Variants in NFAT5 observed in about 807,000 individuals in gnomAD.
NFAT5 encodes nuclear factor of activated T cells 5, also known as nuclear factor of activated T-cells 5.
Under a neutral mutation model 166.5 loss-of-function variants are expected in NFAT5, and 31 were observed. The ratio of observed to expected loss-of-function variants is 0.19; its 90% CI spans 0.14 to 0.25. The LOEUF (loss-of-function observed/expected upper bound fraction) is 0.25, where lower values mean the gene tolerates loss of function less well. Ranked by LOEUF, NFAT5 falls within the 10% of genes least tolerant of loss-of-function variation. The probability of loss-of-function intolerance (pLI) is 1.00; values close to 1 mark genes in which losing one functional copy is unlikely to be tolerated. For synonymous variants in NFAT5, 612 were observed against 639.7 expected (o/e 0.96, Z 0.65); for missense variants, 1,449 against 1,821.8 (o/e 0.80, Z 3.72).
At chr16:69,568,650 A>G in intron 2 of NFAT5, 102 bp downstream of exon 2, 1 of 881,036 alleles carries the variant, frequency 1.1e-6, no homozygotes, top group Non-Finnish European at 1.7e-6. Flanking sequence ...AACTCACACA[A>G]TGTAGTTTTC....
intron 2 of NFAT5, among the ~76,000 whole-genome samples, chr16:69,598,788 G>A (rs1480303860): frequency 6.6e-6 from 1 of 152,134 alleles, no homozygotes; most frequent in African/African-American, 2.4e-5. Context: ...ACTTTGGGAG[G>A]CTGAGGTGGG....
In NFAT5 at chr16:69,670,090, A is replaced by G. The variant is rs753012585; in HGVS notation, c.1483A>G (p.Ile495Val). 1 of 1,611,060 alleles carries G rather than the reference A, an allele frequency of 6.2e-7. No individual in the cohort carries two copies. The highest frequency in any genetic ancestry group is 8.5e-7 in the Non-Finnish European group (1 of 1,179,278). The change falls in exon 8 of 15, where the codon ATT (isoleucine) becomes GTT (valine). Residue 495 changes from isoleucine (I) to valine (V), a missense_variant. Around this residue, in one of 7 missense-constraint regions of NFAT5, gnomAD observed 245 missense variants for 366.6 expected, o/e 0.67. Coordinates refer to ENST00000349945, the MANE Select transcript of NFAT5 (RefSeq NM_138713.4). The part of the protein sequence containing the change: ...GKNFLKGTKV[I>V]FQENVSDENS... ...GAACTTTCTGAAAGGAACTAAAGTT[A>G]TTTTCCAAGAAAATGTTTCTGGTAA...
intron 2 of NFAT5, among the ~76,000 whole-genome samples, chr16:69,623,092 C>T (rs1009269848): frequency 1.3e-5 from 2 of 152,040 alleles, no homozygotes; most frequent in Admixed American, 6.6e-5. Context: ...TTGTGGTGAG[C>T]CAAGATTGCA....
intron 4 of NFAT5, among the ~76,000 whole-genome samples, chr16:69,651,456 T>G (rs1486274408): frequency 6.6e-6 from 1 of 152,170 alleles, no homozygotes; most frequent in African/African-American, 2.4e-5. Flanking sequence ...AACAACTTGG[T>G]TACAGCTGGA....
rs111295870 is a variant in NFAT5, at chr16:69,636,715, C to T, written c.253+10187C>T. Among the ~76,000 whole-genome samples the T allele has an allele frequency of 1.8e-3, 280 of 152,300 alleles. 3 individuals are homozygous for T. The highest frequency in any genetic ancestry group is 6.3e-3 in the African/African-American group (263 of 41,564). On this transcript the variant is annotated intron_variant, in intron 3 of 14. Transcript: ENST00000349945. The stretch of plus-strand genomic sequence containing the variant: ...GCTGGAGCATCTGGGACACAGGGCA[C>T]CAAGTCCCTAGGCCACACACAGCAT...
intron 7 of NFAT5, among the ~76,000 whole-genome samples, chr16:69,665,117 G>C (rs1185562880): frequency 1.3e-5 from 2 of 152,182 alleles, no homozygotes; most frequent in Admixed American, 6.6e-5. Context: ...TATGGCGTCT[G>C]TTGGGGACTC....
At chr16:69,656,139 G>T (rs1426449498) in intron 6 of NFAT5, among the ~76,000 whole-genome samples, 1 of 151,906 alleles carries the variant, frequency 6.6e-6, no homozygotes, top group African/African-American at 2.4e-5. Flanking sequence ...AAATTAGCTG[G>T]GTGTGGTGGC....
chr16:69,627,353 T>TTTTGA (rs2034514500), intron 3 of NFAT5, among the ~76,000 whole-genome samples: 6 of 6,920 alleles, frequency 8.7e-4, no homozygotes, highest in East Asian at 9.6e-3. Flanking sequence ...TATATATATA[T>TTTTGA]ATATATATAT....
chr16:69,650,405 T>C (rs930758859), intron 4 of NFAT5, among the ~76,000 whole-genome samples: 1 of 152,124 alleles, frequency 6.6e-6, no homozygotes. Context: ...ATTCCATTTT[T>C]ACATTTTAGA....
At chr16:69,573,195 G>A (rs78772829) in intron 2 of NFAT5, among the ~76,000 whole-genome samples, 39,357 of 151,968 alleles carry the variant, frequency 0.26, 5,538 homozygotes, top group East Asian at 0.45. Flanking sequence ...AAAAGAAAAT[G>A]TGAAATATGA....
At chr16:69,691,718 T>G (rs781631514) in intron 12 of NFAT5, 31 bp from the exon 13 acceptor site, 1 of 1,535,574 alleles carries the variant, frequency 6.5e-7, no homozygotes, top group Non-Finnish European at 8.8e-7. Flanking sequence ...TGTTTATATA[T>G]TCATAATATT....
At chr16:69,615,957 C>T (rs1224965194) in intron 2 of NFAT5, among the ~76,000 whole-genome samples, 1 of 152,068 alleles carries the variant, frequency 6.6e-6, no homozygotes, top group African/African-American at 2.4e-5. Context: ...TTTCTTACTC[C>T]CCACTTTGGG....
chr16:69,567,160 C>G (rs113939894), intron 1 of NFAT5, among the ~76,000 whole-genome samples: 7 of 152,294 alleles, frequency 4.6e-5, no homozygotes, highest in African/African-American at 1.4e-4. Flanking sequence ...AGACGCTGTC[C>G]TTTGAGAATT....
At chr16:69,620,354 T>G (rs936438679) in intron 2 of NFAT5, among the ~76,000 whole-genome samples, 1 of 152,208 alleles carries the variant, frequency 6.6e-6, no homozygotes, top group Admixed American at 6.5e-5. Context: ...GGCATTTTGG[T>G]CAACTAAAAT....
chr16:69,664,394 C>A (rs1236065190), intron 7 of NFAT5, among the ~76,000 whole-genome samples: 1 of 152,156 alleles, frequency 6.6e-6, no homozygotes, highest in African/African-American at 2.4e-5. Flanking sequence ...ACACCATTCT[C>A]CTGCCTCAGC....
intron 2 of NFAT5, among the ~76,000 whole-genome samples, chr16:69,606,468 C>A (rs1246128913): frequency 6.6e-6 from 1 of 151,270 alleles, no homozygotes; most frequent in African/African-American, 2.4e-5. Flanking sequence ...TAAATGTTGG[C>A]AATTAATTTT....
chr16:69,688,445 G>A (rs914787604), intron 11 of NFAT5, among the ~76,000 whole-genome samples: 1 of 151,916 alleles, frequency 6.6e-6, no homozygotes, highest in Admixed American at 6.5e-5. Flanking sequence ...GCGTGGTCTC[G>A]GCTTACTGCA....
chr16:69,620,763 A>T lies in NFAT5; in HGVS notation c.128-5640A>T, dbSNP rs9932104. On this transcript the variant is annotated intron_variant, in intron 2 of 14. Transcript: ENST00000349945. ...TTATTGCACAAGAGCAGATTTTACC[A>T]GCTCTTACATTAATCCTTGTTAAGT... is the stretch of plus-strand genomic sequence containing the variant. Among the ~76,000 whole-genome samples the T allele has an allele frequency of 1.9e-3, 285 of 152,350 alleles. 3 individuals are homozygous for T. The highest frequency in any genetic ancestry group is 6.4e-3 in the African/African-American group (268 of 41,586).
At chr16:69,652,825 A>G (rs2035729223) in intron 4 of NFAT5, among the ~76,000 whole-genome samples, 1 of 152,066 alleles carries the variant, frequency 6.6e-6, no homozygotes, top group Non-Finnish European at 1.5e-5. Flanking sequence ...ATAGCTTTAT[A>G]TAAATTTTGG....
Sources: allele counts gnomAD v4.1 joint callset (sites outside exome capture counted in the v4.1 genomes callset), GRCh38; gene constraint gnomAD v4.1.1; regional missense constraint gnomAD v4.1.1; transcripts MANE v1.5; gene names NCBI Gene and HGNC (gene_info 2026-07-23, HGNC 2026-07-21).